The following GLT1D1 variants were observed in gnomAD, a reference collection of about 807,000 sequenced individuals.
The protein encoded by GLT1D1 is glycosyltransferase 1 domain-containing protein 1.
In GLT1D1, 21 loss-of-function variants were observed where a neutral mutation model predicts 28.7. The ratio of observed to expected loss-of-function variants is 0.73; its 90% CI spans 0.52 to 1.05. The LOEUF (loss-of-function observed/expected upper bound fraction) is 1.05, where lower values mean the gene tolerates loss of function less well. Among genes scored for constraint, GLT1D1 ranks in the 50% least tolerant of loss-of-function variants. The pLI, the probability that GLT1D1 is intolerant of heterozygous loss-of-function variation, is 0.00. For synonymous variants in GLT1D1, 147 were observed against 124.8 expected (o/e 1.18, Z -1.19); for missense variants, 343 against 330.6 (o/e 1.04, Z -0.29).
chr12:128,967,534 A>T (rs950530155), intron 7 of GLT1D1, among the ~76,000 whole-genome samples: 2 of 152,110 alleles, frequency 1.3e-5, no homozygotes, highest in African/African-American at 4.8e-5. Flanking sequence ...CTGGAAAAAA[A>T]CCTGCCAATA....
intron 4 of GLT1D1, among the ~76,000 whole-genome samples, chr12:128,939,679 C>A (rs770248736): frequency 1.3e-5 from 2 of 152,118 alleles, no homozygotes; most frequent in African/African-American, 4.8e-5. Flanking sequence ...AGGAAACTTT[C>A]AATCACAGTG....
intron 2 of GLT1D1, among the ~76,000 whole-genome samples, chr12:128,887,623 T>G (rs1205940058): frequency 6.6e-6 from 1 of 152,172 alleles, no homozygotes; most frequent in Non-Finnish European, 1.5e-5. Flanking sequence ...TGTGTATTAT[T>G]GTTGAGCTTA....
intron 7 of GLT1D1, among the ~76,000 whole-genome samples, chr12:128,978,911 G>A (rs1242619749): frequency 2.0e-5 from 3 of 152,194 alleles, no homozygotes; most frequent in Non-Finnish European, 2.9e-5. Flanking sequence ...GTGTAGCAGT[G>A]AGGACAACCG....
intron 7 of GLT1D1, among the ~76,000 whole-genome samples, chr12:128,963,412 C>T (rs561661933): frequency 5.3e-5 from 8 of 152,156 alleles, no homozygotes; most frequent in African/African-American, 4.8e-5. Flanking sequence ...TTTGGGAGGC[C>T]GAGGTGGGTG....
chr12:128,873,630 C>G (rs1301912129), intron 1 of GLT1D1, among the ~76,000 whole-genome samples: 1 of 152,200 alleles, frequency 6.6e-6, no homozygotes, highest in Non-Finnish European at 1.5e-5. Context: ...CCAATTTGCT[C>G]TCTCACAGAT....
intron 1 of GLT1D1, among the ~76,000 whole-genome samples, chr12:128,872,061 C>T (rs1224970921): frequency 6.0e-5 from 9 of 150,808 alleles, no homozygotes; most frequent in Admixed American, 5.9e-4. Context: ...AAGCGATTCT[C>T]CTGCCTCAGC....
At chr12:128,935,947 C>T (rs148852907) in intron 4 of GLT1D1, among the ~76,000 whole-genome samples, 24 of 152,240 alleles carry the variant, frequency 1.6e-4, no homozygotes, top group African/African-American at 5.1e-4. Flanking sequence ...AGTGGTCACA[C>T]GCATGTCGTG....
rs145865913 is a variant in GLT1D1 at position 128,935,851 on chromosome 12, C to T, written c.376-9475C>T. On this transcript the variant is annotated intron_variant, in intron 4 of 7. Transcript: ENST00000281703. Reference sequence around the variant, plus strand: ...TTTTTAAAAAGATGGGTTGTAGTCCCGTACGAAATCCACGCAATCATTCAA... The same window carrying T: ...TTTTTAAAAAGATGGGTTGTAGTCCTGTACGAAATCCACGCAATCATTCAA... Among the ~76,000 whole-genome samples, 1,094 of 152,228 alleles carry T rather than the reference C, an allele frequency of 7.2e-3. 18 individuals are homozygous for T. Among genetic ancestry groups the T allele is most frequent in the African/African-American group, 0.025 (1,036 of 41,544 alleles).
In GLT1D1 at chr12:128,925,499, T is replaced by C. The variant is rs1420253158; in HGVS notation, c.376-19827T>C. Among the ~76,000 whole-genome samples, 12 of 152,364 alleles carry C rather than the reference T, an allele frequency of 7.9e-5. No homozygotes were observed. The East Asian group carries it at 1.3e-3, about 17-fold the overall frequency. On this transcript the variant is annotated intron_variant, in intron 4 of 7. Coordinates refer to ENST00000281703, the MANE Select transcript of GLT1D1 (RefSeq NM_144669.3). Reference sequence around the variant, plus strand: ...TGGCTCCCAACTCTATCCATGTCCCTGCAAAGGACATGATCTCGTTCCTTT... The same window carrying C: ...TGGCTCCCAACTCTATCCATGTCCCCGCAAAGGACATGATCTCGTTCCTTT...
intron 4 of GLT1D1, among the ~76,000 whole-genome samples, chr12:128,933,937 T>C (rs1874220337): frequency 6.6e-6 from 1 of 152,106 alleles, no homozygotes; most frequent in Non-Finnish European, 1.5e-5. Flanking sequence ...GGTCAAGTCT[T>C]GGGACACATT....
intron 6 of GLT1D1, among the ~76,000 whole-genome samples, chr12:128,951,128 C>T (rs936813002): frequency 3.9e-5 from 6 of 152,122 alleles, no homozygotes; most frequent in African/African-American, 9.7e-5. Context: ...TGTGGCCGGG[C>T]GCGGTGGCTC....
chr12:128,956,175 G>GAGAA (rs1877284410), intron 6 of GLT1D1, among the ~76,000 whole-genome samples: 2 of 19,486 alleles, frequency 1.0e-4, no homozygotes, highest in Non-Finnish European at 1.3e-4. Context: ...AAAAAAAAGA[G>GAGAA]AAAGAGAGAA....
At chr12:128,879,123 A>G (rs1044988741) in intron 2 of GLT1D1, among the ~76,000 whole-genome samples, 2 of 152,200 alleles carry the variant, frequency 1.3e-5, no homozygotes, top group African/African-American at 4.8e-5. Flanking sequence ...TTCTGTTGAC[A>G]GTGAGTTGTG....
At chr12:128,886,659 T>C (rs1006637997) in intron 2 of GLT1D1, among the ~76,000 whole-genome samples, 23 of 152,182 alleles carry the variant, frequency 1.5e-4, no homozygotes, top group Non-Finnish European at 2.9e-5. Context: ...TGAACTTGAT[T>C]CTCTGGCCTC....
rs560191080 is a variant in GLT1D1 at position 128,855,931 on chromosome 12, T to C, written c.68+2282T>C. 2.0e-5 allele frequency among the ~76,000 whole-genome samples: 3 copies of C among 152,098 alleles called. No individual in the cohort carries two copies. In the East Asian group the frequency reaches 5.8e-4, roughly 30 times the overall value. ...CACACCCAGCTGATTTTTGTATTTT[T>C]AGTAGAGACAGGGTTTCACCATGTT... On this transcript the variant is annotated intron_variant, in intron 1 of 7. Coordinates refer to ENST00000281703, the MANE Select transcript of GLT1D1 (RefSeq NM_144669.3).
At chr12:128,955,621 A>G (rs1877197732) in intron 6 of GLT1D1, among the ~76,000 whole-genome samples, 1 of 151,774 alleles carries the variant, frequency 6.6e-6, no homozygotes, top group Non-Finnish European at 1.5e-5. Context: ...GCTCTTCATG[A>G]CACTGAACCC....
chr12:128,934,196 G>GTTTTTTTTTTTTTTTTTTTTTTTTTTTTT (rs1410503648), intron 4 of GLT1D1, among the ~76,000 whole-genome samples: 1 of 128,686 alleles, frequency 7.8e-6, no homozygotes. Context: ...CAAAGAGACA[G>GTTTTTTTTTTTTTTTTTTTTTTTTTTTTT]TCTTTTTTTT....
chr12:128,871,338 T>C (rs996368351), intron 1 of GLT1D1, among the ~76,000 whole-genome samples: 7 of 152,204 alleles, frequency 4.6e-5, no homozygotes, highest in Non-Finnish European at 1.0e-4. Flanking sequence ...GTCAGTTACC[T>C]TCAGCATTTC....
At chr12:128,948,423 C>A (rs1026607701) in intron 6 of GLT1D1, among the ~76,000 whole-genome samples, 48 of 152,212 alleles carry the variant, frequency 3.2e-4, no homozygotes, top group African/African-American at 1.1e-3. Flanking sequence ...TTTCCTCATG[C>A]GATTAAAGCA....
Sources: allele counts gnomAD v4.1 joint callset (sites outside exome capture counted in the v4.1 genomes callset), GRCh38; gene constraint gnomAD v4.1.1; transcripts MANE v1.5; gene names NCBI Gene and HGNC (gene_info 2026-07-23, HGNC 2026-07-21).